MTUS2: variants seen among roughly 807,000 people sequenced by gnomAD.
MTUS2 encodes microtubule-associated tumor suppressor candidate 2.
Under a neutral mutation model 114.1 loss-of-function variants are expected in MTUS2, and 40 were observed. The ratio of observed to expected loss-of-function variants is 0.35; its 90% confidence interval spans 0.27 to 0.46. The LOEUF (loss-of-function observed/expected upper bound fraction) is 0.46. MTUS2 is among the 20% of genes least tolerant of loss of function. The probability of loss-of-function intolerance (pLI) is 1.00; values close to 1 mark genes in which losing one functional copy is unlikely to be tolerated. For synonymous variants in MTUS2, 688 were observed against 672.0 expected (o/e 1.02, Z -0.37); for missense variants, 1,679 against 1,705.4 (o/e 0.98, Z 0.27).
chr13:29,005,818 T>G (rs1244423228), intron 2 of MTUS2, among the ~76,000 whole-genome samples: 1 of 152,238 alleles, frequency 6.6e-6, no homozygotes, highest in Non-Finnish European at 1.5e-5. Flanking sequence ...TTCTGTGTCT[T>G]GTAAGGCTCT....
chr13:29,375,605 AT>A (rs1566163659), intron 8 of MTUS2, among the ~76,000 whole-genome samples: 201 of 11,934 alleles, frequency 0.017, 13 homozygotes, highest in Non-Finnish European at 0.032. Context: ...ATATATATAT[AT>A]ACGTATATAT....
intron 5 of MTUS2, among the ~76,000 whole-genome samples, chr13:29,135,715 A>T (rs758403770): frequency 6.6e-6 from 1 of 151,804 alleles, no homozygotes; most frequent in Non-Finnish European, 1.5e-5. Flanking sequence ...TAATTTTGAG[A>T]TTACCATTGA....
rs78431858 is a variant in MTUS2, at chr13:29,139,419, C to A, written c.2644+38449C>A. On this transcript the variant is annotated intron_variant, in intron 5 of 15. Transcript: ENST00000612955. ...TAGGGCCACAGTTAGGCAAGACTTT[C>A]ATTTTAACTTATAATAAATAGTTTG... Among the ~76,000 whole-genome samples, 1,412 of 152,286 alleles carry A rather than the reference C, an allele frequency of 9.3e-3. 66 individuals are homozygous for A. The highest frequency in any genetic ancestry group is 0.074 in the East Asian group (381 of 5,178).
chr13:29,041,318 A>G (rs1406882480), intron 4 of MTUS2, among the ~76,000 whole-genome samples: 1 of 152,136 alleles, frequency 6.6e-6, no homozygotes, highest in Non-Finnish European at 1.5e-5. Flanking sequence ...GCCTATTTTC[A>G]TACCAGCACC....
intron 4 of MTUS2, among the ~76,000 whole-genome samples, chr13:29,052,473 A>G (rs550898922): frequency 1.3e-5 from 2 of 151,902 alleles, no homozygotes; most frequent in African/African-American, 2.4e-5. Flanking sequence ...AAAAAAAAAA[A>G]AAAAGAAAAG....
intron 2 of MTUS2, among the ~76,000 whole-genome samples, chr13:28,987,557 A>G (rs1280375413): frequency 1.3e-5 from 2 of 152,134 alleles, no homozygotes; most frequent in Non-Finnish European, 1.5e-5. Context: ...AGACTAAGGT[A>G]AAGACTGTGT....
intron 8 of MTUS2, among the ~76,000 whole-genome samples, chr13:29,363,528 T>C (rs1229604380): frequency 6.6e-6 from 1 of 152,198 alleles, no homozygotes; most frequent in Admixed American, 6.5e-5. Flanking sequence ...TTTTAAGGCT[T>C]TTATTATTTT....
intron 6 of MTUS2, among the ~76,000 whole-genome samples, chr13:29,286,699 T>TATCTATCTATCTATCTATCTATC (rs1566110757): frequency 6.6e-6 from 1 of 151,944 alleles, no homozygotes; most frequent in African/African-American, 2.4e-5. Flanking sequence ...TCTATCTATC[T>TATCTATCTATCTATCTATCTATC]TACTTATTTG....
intron 5 of MTUS2, among the ~76,000 whole-genome samples, chr13:29,105,280 C>T (rs1215900039): frequency 6.6e-6 from 1 of 152,178 alleles, no homozygotes; most frequent in Non-Finnish European, 1.5e-5. Flanking sequence ...AGTGGGTAGG[C>T]AGATGCGACT....
At chr13:29,360,662 G>T (rs1870149960) in intron 8 of MTUS2, among the ~76,000 whole-genome samples, 1 of 148,714 alleles carries the variant, frequency 6.7e-6, no homozygotes, top group Non-Finnish European at 1.5e-5. Flanking sequence ...GACGTGATCT[G>T]GTAAGCTTGC....
intron 3 of MTUS2, among the ~76,000 whole-genome samples, chr13:29,031,969 A>G (rs1279461619): frequency 6.6e-6 from 1 of 152,056 alleles, no homozygotes; most frequent in Middle Eastern, 3.2e-3. Flanking sequence ...TTGAAATCAT[A>G]GGGTTCTTTT....
chr13:28,910,267 C>T (rs575355285), intron 2 of MTUS2, among the ~76,000 whole-genome samples: 14 of 152,270 alleles, frequency 9.2e-5, no homozygotes, highest in South Asian at 6.2e-4. Context: ...CACAAATAAG[C>T]GAGAACATGT....
chr13:29,416,824 GGTTTTGTTTT>G (rs149147098), intron 8 of MTUS2, among the ~76,000 whole-genome samples: 2 of 48,904 alleles, frequency 4.1e-5, no homozygotes, highest in Non-Finnish European at 7.4e-5. Context: ...TTTGCCTAGA[GGTTTTGTTTT>G]GTTTTGTTTT....
At chr13:29,099,250 T>G (rs1269522248) in intron 4 of MTUS2, among the ~76,000 whole-genome samples, 1 of 152,264 alleles carries the variant, frequency 6.6e-6, no homozygotes, top group Admixed American at 6.5e-5. Flanking sequence ...TTTTGTTTTT[T>G]GTGCTTTTCC....
intron 6 of MTUS2, among the ~76,000 whole-genome samples, chr13:29,322,789 G>A (rs945312693): frequency 1.3e-5 from 2 of 152,158 alleles, no homozygotes; most frequent in African/African-American, 4.8e-5. Flanking sequence ...GAGGAAGCAT[G>A]GCATGTTTGG....
intron 2 of MTUS2, among the ~76,000 whole-genome samples, chr13:28,998,403 C>T (rs904176545): frequency 3.9e-5 from 6 of 152,066 alleles, no homozygotes; most frequent in South Asian, 2.1e-4. Context: ...ATCTTTGTGG[C>T]GTTCTCTGTA....
chr13:29,114,739 G>A (rs867014614), intron 5 of MTUS2, among the ~76,000 whole-genome samples: 7 of 152,114 alleles, frequency 4.6e-5, no homozygotes, highest in East Asian at 1.9e-4. Context: ...CCAGCTGCTC[G>A]CTTGCCCTGC....
chr13:29,438,163 C>A (rs1377520134), intron 8 of MTUS2, among the ~76,000 whole-genome samples: 2 of 152,158 alleles, frequency 1.3e-5, no homozygotes, highest in Admixed American at 1.3e-4. Context: ...GACAACCCTG[C>A]ACAGTGGGTG....
At chr13:28,948,021 A>G (rs968216693) in intron 2 of MTUS2, among the ~76,000 whole-genome samples, 2 of 152,208 alleles carry the variant, frequency 1.3e-5, no homozygotes, top group African/African-American at 2.4e-5. Flanking sequence ...TCAAACCAAA[A>G]TTCACAGGTT....
Sources: allele counts gnomAD v4.1 joint callset (sites outside exome capture counted in the v4.1 genomes callset), GRCh38; gene constraint gnomAD v4.1.1; transcripts MANE v1.5; gene names NCBI Gene and HGNC (gene_info 2026-07-23, HGNC 2026-07-21).